BTD: variants seen among roughly 807,000 people sequenced by gnomAD.
BTD encodes the protein biocytinase.
Under a neutral mutation model 17.7 loss-of-function variants are expected in BTD, and 13 were observed. That is an observed-to-expected ratio of 0.74 (90% confidence interval 0.48 to 1.17). The LOEUF (loss-of-function observed/expected upper bound fraction) is 1.17, where lower values mean the gene tolerates loss of function less well. Among genes scored for constraint, BTD ranks in the 50% most tolerant of loss-of-function variants. BTD has a pLI of 0.00. For missense variants in BTD, 674 were observed against 650.4 expected, an observed-to-expected ratio of 1.04 and a Z score of -0.39; for synonymous variants, 240 against 245.2, an observed-to-expected ratio of 0.98 and a Z score of 0.20.
rs1011079840 is a variant in BTD, at chr3:15,649,575, A to G, written c.*4087A>G. ...TCAGCTCCGCCTGACCTCTGAGCTC[A>G]CATGATGGCCCTTACTGTGAACCTG... On this transcript the variant is annotated 3_prime_UTR_variant, in exon 4 of 4. Transcript: ENST00000643237. Among the ~76,000 whole-genome samples, 1 of 152,220 alleles carries G rather than the reference A, an allele frequency of 6.6e-6. No homozygotes were observed. Among genetic ancestry groups the G allele is most frequent in the Non-Finnish European group, 1.5e-5 (1 of 68,038 alleles).
At chr3:15,623,468 C>T (rs1468265664) in intron 1 of BTD, among the ~76,000 whole-genome samples, 3 of 152,096 alleles carry the variant, frequency 2.0e-5, no homozygotes, top group South Asian at 4.1e-4. Context: ...TGCCTTTGTT[C>T]GTAGTTCCTG....
intron 2 of BTD, among the ~76,000 whole-genome samples, chr3:15,639,532 A>G (rs968535463): frequency 1.3e-5 from 2 of 152,188 alleles, no homozygotes; most frequent in African/African-American, 4.8e-5. Flanking sequence ...AATGTCCTAT[A>G]GGGCAAAACA....
chr3:15,644,935 A>C lies in BTD; in HGVS notation c.1019A>C (p.Lys340Thr). 6 of 1,614,136 alleles carry C rather than the reference A, an allele frequency of 3.7e-6. No individual in the cohort carries two copies. Among genetic ancestry groups the C allele is most frequent in the African/African-American group, 1.3e-5 (1 of 75,030 alleles). ...ATGETDPSHSKFLKILSGDPY... is the reference protein window; with the variant it reads ...ATGETDPSHSTFLKILSGDPY... Reference sequence around the variant, plus strand: ...GGTGAAACGGACCCATCCCATAGTAAGTTTTTAAAAATTTTGTCAGGCGAT... The same window carrying C: ...GGTGAAACGGACCCATCCCATAGTACGTTTTTAAAAATTTTGTCAGGCGAT... Residue 340 changes from lysine (K) to threonine (T), a missense_variant, in exon 4 of 4, where the codon AAG (lysine) becomes ACG (threonine). Transcript: ENST00000643237.
chr3:15,677,412 A>T (rs1488252677), intron 3 of BTD: 2 of 1,179,882 alleles, frequency 1.7e-6, no homozygotes, highest in African/African-American at 3.0e-5. Flanking sequence ...ATTTTAGTGA[A>T]GTCAAAAAAC....
In BTD at chr3:15,649,931, A is replaced by G. The variant is rs951453294; in HGVS notation, c.*4443A>G. On this transcript the variant is annotated 3_prime_UTR_variant, in exon 4 of 4. Transcript: ENST00000643237. ...CTCCCTTAACTGCCATGAGCCCTAA[A>G]GAAGGTTTGCTACAGCTATTTTACA... 1.3e-4 allele frequency among the ~76,000 whole-genome samples: 20 copies of G among 152,238 alleles called. No homozygotes were observed. Among genetic ancestry groups the G allele is most frequent in the African/African-American group, 4.3e-4 (18 of 41,460 alleles).
In BTD at chr3:15,647,843, G is replaced by A. The variant is rs1016085214; in HGVS notation, c.*2355G>A. Reference sequence around the variant, plus strand: ...TTCTGTGGTTTTTCTCACACGGGAAGTGAGAGGCACAGTGAGCTGTATTCA... The same window carrying A: ...TTCTGTGGTTTTTCTCACACGGGAAATGAGAGGCACAGTGAGCTGTATTCA... On this transcript the variant is annotated 3_prime_UTR_variant, in exon 4 of 4. Coordinates refer to ENST00000643237, the MANE Select transcript of BTD (RefSeq NM_001370658.1). Among the ~76,000 whole-genome samples, 3 of 152,204 alleles carry A rather than the reference G, an allele frequency of 2.0e-5. No homozygotes were observed. The highest frequency in any genetic ancestry group is 7.2e-5 in the African/African-American group (3 of 41,450).
intron 3 of BTD, among the ~76,000 whole-genome samples, chr3:15,666,728 T>G (rs1293716089): frequency 6.6e-6 from 1 of 152,196 alleles, no homozygotes; most frequent in African/African-American, 2.4e-5. Context: ...TGCCAATATA[T>G]CTACTCTATC....
chr3:15,714,556 A>G (rs920698668), downstream of BTD: 3 of 1,551,544 alleles, frequency 1.9e-6, no homozygotes, highest in Admixed American at 2.3e-5. Flanking sequence ...AACCCCAAAA[A>G]AAAAACAGAA....
At chr3:15,632,799 C>T (rs1034847263) in intron 1 of BTD, 4 of 152,480 alleles carry the variant, frequency 2.6e-5, no homozygotes, top group African/African-American at 7.2e-5. Flanking sequence ...AACTGAGCAC[C>T]TCCCGCTGCT....
rs569279071 is a variant in BTD at position 15,704,570 on chromosome 3, G to A, written c.400-5490G>A. Among the ~76,000 whole-genome samples the A allele has an allele frequency of 1.3e-4, 20 of 152,194 alleles. No homozygotes were observed. In the South Asian group the frequency reaches 4.1e-3, roughly 32 times the overall value. ...AATAATAGCAATTGGAAGCTCTGAG[G>A]AATTTGTCTCTTCTTTTAGAAAATA... On this transcript the variant is annotated intron_variant, in intron 3 of 3. Coordinates refer to the BTD transcript ENST00000672141.
intron 1 of BTD, among the ~76,000 whole-genome samples, chr3:15,609,288 C>T (rs542021882): frequency 1.5e-3 from 223 of 152,318 alleles, no homozygotes; most frequent in African/African-American, 5.2e-3. Context: ...ATGAAACCCC[C>T]GTGTGTCCTT....
chr3:15,710,196 A>T (rs1308861249), exon 4 of BTD, among the ~76,000 whole-genome samples: 1 of 152,166 alleles, frequency 6.6e-6, no homozygotes, highest in Admixed American at 6.6e-5. Context: ...CCACTGCATG[A>T]GTCCTGTCAG....
chr3:15,638,334 A>G (rs1231183082), intron 2 of BTD, among the ~76,000 whole-genome samples: 1 of 152,180 alleles, frequency 6.6e-6, no homozygotes, highest in Non-Finnish European at 1.5e-5. Flanking sequence ...CAACTGGTTC[A>G]GGAGCCCTTG....
Position 15,692,468 on chromosome 3 carries a change from A to G in BTD, c.400-17592A>G, listed in dbSNP as rs117967169. On this transcript the variant is annotated intron_variant, in intron 3 of 3. Transcript: ENST00000672141. Reference sequence around the variant, plus strand: ...ATGAAAAACAACAGCAAAAATAAATAAAAAATAAAAATGAAAAGACAAGAG... The same window carrying G: ...ATGAAAAACAACAGCAAAAATAAATGAAAAATAAAAATGAAAAGACAAGAG... 3.9e-5 allele frequency among the ~76,000 whole-genome samples: 6 copies of G among 152,314 alleles called. No homozygotes were observed. The East Asian group carries it at 1.2e-3, about 29-fold the overall frequency.
chr3:15,603,965 C>G (rs779349638), intron 1 of BTD, among the ~76,000 whole-genome samples: 7 of 152,260 alleles, frequency 4.6e-5, no homozygotes, highest in Non-Finnish European at 1.0e-4. Flanking sequence ...ACAACCCCCT[C>G]TCCCAGCTGC....
intron 3 of BTD, among the ~76,000 whole-genome samples, chr3:15,643,893 A>G (rs2065606816): frequency 1.7e-5 from 1 of 59,282 alleles, no homozygotes; most frequent in African/African-American, 6.7e-5. Context: ...CCTGTCTCTG[A>G]AAAAAAAAAA....
chr3:15,678,186 C>A (rs1262668223), intron 3 of BTD: 1 of 1,589,010 alleles, frequency 6.3e-7, no homozygotes, highest in African/African-American at 1.3e-5. Flanking sequence ...TAGGAAAATA[C>A]AATTTTAAAG....
intron 3 of BTD, chr3:15,676,723 T>G (rs1423840498): frequency 1.5e-5 from 5 of 325,950 alleles, no homozygotes; most frequent in Non-Finnish European, 2.9e-5. Context: ...TTCAGAAAAT[T>G]AGGTAGGTGG....
chr3:15,687,303 TGTTA>T (rs904288383), intron 3 of BTD, among the ~76,000 whole-genome samples: 1 of 152,124 alleles, frequency 6.6e-6, no homozygotes, highest in Non-Finnish European at 1.5e-5. Flanking sequence ...TAGGGTACTC[TGTTA>T]TTTATGGCTG....
Sources: allele counts gnomAD v4.1 joint callset (sites outside exome capture counted in the v4.1 genomes callset), GRCh38; gene constraint gnomAD v4.1.1; transcripts MANE v1.5; gene names NCBI Gene and HGNC (gene_info 2026-07-23, HGNC 2026-07-21).